BBS9: variants seen among roughly 807,000 people sequenced by gnomAD.
BBS9 encodes protein PTHB1.
BBS9 carries 89 observed loss-of-function variants against 117.7 expected under a neutral mutation model. The ratio of observed to expected loss-of-function variants is 0.76; its 90% CI spans 0.64 to 0.90. The LOEUF (loss-of-function observed/expected upper bound fraction) is 0.90, where lower values mean the gene tolerates loss of function less well. Ranked by LOEUF, BBS9 falls within the 40% of genes least tolerant of loss-of-function variation. The pLI, the probability that BBS9 is intolerant of heterozygous loss-of-function variation, is 0.00. For missense variants in BBS9, 982 were observed against 1,042.2 expected, an observed-to-expected ratio of 0.94 and a Z score of 0.80; for synonymous variants, 379 against 370.9, an observed-to-expected ratio of 1.02 and a Z score of -0.25.
intron 5 of BBS9, among the ~76,000 whole-genome samples, chr7:33,251,450 T>G (rs1209028354): frequency 6.6e-6 from 1 of 152,090 alleles, no homozygotes; most frequent in African/African-American, 2.4e-5. Context: ...ACCCAAACCT[T>G]ATGGCTGAGC....
chr7:33,131,201 C>A (rs1789551732), intron 1 of BBS9, among the ~76,000 whole-genome samples: 2 of 152,156 alleles, frequency 1.3e-5, no homozygotes, highest in African/African-American at 4.8e-5. Flanking sequence ...TTTCAACTAC[C>A]ACTACTACCA....
chr7:33,223,694 T>TC (rs947731091), intron 5 of BBS9, among the ~76,000 whole-genome samples: 1 of 151,732 alleles, frequency 6.6e-6, no homozygotes, highest in Non-Finnish European at 1.5e-5. Flanking sequence ...TTTTTTTTTT[T>TC]CACTAGATTA....
At chr7:33,432,520 A>G (rs1006931344) in intron 19 of BBS9, among the ~76,000 whole-genome samples, 1 of 152,200 alleles carries the variant, frequency 6.6e-6, no homozygotes, top group African/African-American at 2.4e-5. Flanking sequence ...AGGGTTCCAT[A>G]GAAAACTAGC....
rs1458567841 is a variant in BBS9 at position 33,280,642 on chromosome 7, C to T, written c.1016+6686C>T. Among the ~76,000 whole-genome samples, 8 of 152,286 alleles carry T rather than the reference C, an allele frequency of 5.3e-5. No homozygotes were observed. The East Asian group carries it at 1.3e-3, about 26-fold the overall frequency. On this transcript the variant is annotated intron_variant, in intron 9 of 22. Coordinates refer to ENST00000242067, the MANE Select transcript of BBS9 (RefSeq NM_198428.3). ...TTCCATTTTACTTTTGCATATCACA[C>T]TGAATAATCAGTGAGAAAGATGAAC...
intron 5 of BBS9, among the ~76,000 whole-genome samples, chr7:33,246,093 A>G (rs1795285962): frequency 6.6e-6 from 1 of 152,180 alleles, no homozygotes; most frequent in South Asian, 2.1e-4. Context: ...TAAACGTGGT[A>G]TTTTAACTAC....
Position 33,257,381 on chromosome 7 carries a change from C to T in BBS9, c.588C>T (p.Val196=), listed in dbSNP as rs1205776544. 6.2e-7 allele frequency: 1 copy of T among 1,613,876 alleles called. No individual in the cohort carries two copies. The highest frequency in any genetic ancestry group is 1.3e-5 in the African/African-American group (1 of 75,016). ...YSSRTDSFLT[V]SSCQQVESYK... is the part of the protein sequence containing the mutation. ...CCCGTACAGATTCCTTCCTTACTGT[C>T]TCTTCCTGCCAACAAGTGGAAAGTT... The change falls in exon 6 of 23, where the codon GTC becomes GTT. Residue 196 remains valine, a synonymous_variant. Coordinates refer to ENST00000242067, the MANE Select transcript of BBS9 (RefSeq NM_198428.3).
chr7:33,444,601 C>A (rs1170676246), intron 19 of BBS9, among the ~76,000 whole-genome samples: 1 of 152,172 alleles, frequency 6.6e-6, no homozygotes, highest in East Asian at 1.9e-4. Flanking sequence ...GAGATATAAA[C>A]ACTCTTTTGT....
At chr7:33,544,929 T>A (rs2700699) in intron 21 of BBS9, among the ~76,000 whole-genome samples, 108,450 of 151,654 alleles carry the variant, frequency 0.72, 40,295 homozygotes, top group East Asian at 0.92. Flanking sequence ...ACCTAGGAGG[T>A]TTATGGCTGC....
chr7:33,613,180 C>T (rs1864964203), intron 21 of BBS9, among the ~76,000 whole-genome samples: 1 of 151,994 alleles, frequency 6.6e-6, no homozygotes, highest in Middle Eastern at 3.2e-3. Context: ...TTTAGCATCT[C>T]CAAGCTCTTA....
At chr7:33,549,729 T>C (rs1273491344) in intron 21 of BBS9, among the ~76,000 whole-genome samples, 2 of 152,072 alleles carry the variant, frequency 1.3e-5, no homozygotes, top group Non-Finnish European at 2.9e-5. Context: ...CACAATGAGA[T>C]ACCATCTCAC....
At chr7:33,198,758 G>T (rs1785339996) in intron 5 of BBS9, among the ~76,000 whole-genome samples, 1 of 151,954 alleles carries the variant, frequency 6.6e-6, no homozygotes, top group Non-Finnish European at 1.5e-5. Flanking sequence ...AGGGAGGACT[G>T]TGCTTAGCTT....
chr7:33,373,458 C>A (rs1823237790), intron 17 of BBS9, among the ~76,000 whole-genome samples: 1 of 152,096 alleles, frequency 6.6e-6, no homozygotes. Flanking sequence ...TCAAGCATCC[C>A]AAATCTGATA....
chr7:33,165,697 T>G (rs1795572216), intron 4 of BBS9, among the ~76,000 whole-genome samples: 1 of 152,154 alleles, frequency 6.6e-6, no homozygotes, highest in South Asian at 2.1e-4. Flanking sequence ...ATTTAAGGTC[T>G]TCTTCTCTAC....
chr7:33,363,840 G>T (rs1821111623), intron 16 of BBS9, among the ~76,000 whole-genome samples: 1 of 151,644 alleles, frequency 6.6e-6, no homozygotes, highest in Non-Finnish European at 1.5e-5. Flanking sequence ...AAATATGGTG[G>T]ATTACATTGA....
rs1396602019 is a variant in BBS9 at position 33,534,025 on chromosome 7, G to T, written c.2370G>T (p.Glu790Asp). The change falls in exon 21 of 23, where the codon GAG becomes GAT. Residue 790 changes from glutamate (E) to aspartate (D), a missense_variant. Transcript: ENST00000242067. Reference protein sequence around the residue: ...LKTCLSKSSKEQALNLNSQLN... With the variant: ...LKTCLSKSSKDQALNLNSQLN... ...CTTGCCTGTCGAAGAGTTCTAAGGA[G>T]CAGGCTTTGAACCTCAACAGCCAGC... is the stretch of plus-strand genomic sequence containing the variant. The T allele has an allele frequency of 6.2e-7, 1 of 1,614,218 alleles. No homozygotes were observed. Among genetic ancestry groups the T allele is most frequent in the African/African-American group, 1.3e-5 (1 of 75,060 alleles).
chr7:33,579,050 T>G (rs1462403551), intron 21 of BBS9, among the ~76,000 whole-genome samples: 1 of 152,216 alleles, frequency 6.6e-6, no homozygotes, highest in Non-Finnish European at 1.5e-5. Flanking sequence ...CAGGGCTGTC[T>G]GTTTCTCCAC....
chr7:33,500,930 C>G lies in BBS9; in HGVS notation c.2116-4533C>G, dbSNP rs79515824. Among the ~76,000 whole-genome samples, 1,416 of 152,276 alleles carry G rather than the reference C, an allele frequency of 9.3e-3. 12 individuals carry two copies. The highest frequency in any genetic ancestry group is 0.017 in the Middle Eastern group (5 of 294). On this transcript the variant is annotated intron_variant, in intron 19 of 22. Transcript: ENST00000242067. ...TGATATGTCAGTTGGACAGAGATGT[C>G]CTTTGGGGTCTCCATTTTATTTGGA...
chr7:33,603,112 C>G (rs897429975), intron 21 of BBS9, among the ~76,000 whole-genome samples: 1 of 152,156 alleles, frequency 6.6e-6, no homozygotes, highest in Non-Finnish European at 1.5e-5. Flanking sequence ...TCATCAAACT[C>G]GCTCTCATCT....
intron 1 of BBS9, among the ~76,000 whole-genome samples, chr7:33,144,002 A>T (rs1226976488): frequency 1.3e-5 from 2 of 152,000 alleles, no homozygotes; most frequent in African/African-American, 4.8e-5. Context: ...TATCATATAT[A>T]TGACTTGCAC....
Sources: gnomAD v4.1 joint callset for allele counts (sites outside exome capture counted in the v4.1 genomes callset) on GRCh38, gnomAD v4.1.1 for gene constraint, MANE v1.5 for transcripts, NCBI Gene and HGNC (gene_info 2026-07-23, HGNC 2026-07-21) for gene names.